Variants in LAMA2 observed in about 807,000 individuals in gnomAD.
LAMA2 encodes the protein laminin subunit alpha 2.
A neutral mutation model predicts 364.8 loss-of-function variants in LAMA2; 269 were observed. That is an observed-to-expected ratio of 0.74 (90% CI 0.67 to 0.82). The LOEUF is 0.82. LAMA2 is among the 40% of genes least tolerant of loss of function. The pLI is 0.00. For synonymous variants in LAMA2, 1,379 were observed against 1,370.6 expected (o/e 1.01, Z -0.14); for missense variants, 3,807 against 3,873.2 (o/e 0.98, Z 0.45).
chr6:129,448,570 A>AG (rs1377271179), intron 45 of LAMA2, among the ~76,000 whole-genome samples: 1 of 152,212 alleles, frequency 6.6e-6, no homozygotes, highest in Non-Finnish European at 1.5e-5. Flanking sequence ...TTTATTTTAA[A>AG]GTAGCTTTCT....
At chr6:129,487,744 T>C (rs934509388) in intron 56 of LAMA2, among the ~76,000 whole-genome samples, 3 of 152,176 alleles carry the variant, frequency 2.0e-5, no homozygotes, top group Non-Finnish European at 1.5e-5. Flanking sequence ...GTAGGATGAA[T>C]TGATACAAAG....
At chr6:128,910,951 G>A (rs1057095237) in intron 1 of LAMA2, among the ~76,000 whole-genome samples, 3 of 151,390 alleles carry the variant, frequency 2.0e-5, no homozygotes, top group Non-Finnish European at 4.4e-5. Context: ...GGCTGCTCGG[G>A]GGTCAGGGGT....
At position 129,199,319 on chromosome 6, in the gene LAMA2, T is replaced by A. The variant is rs149127310; in HGVS notation, c.1782+6466T>A. Among the ~76,000 whole-genome samples the A allele has an allele frequency of 8.6e-3, 1,307 of 152,166 alleles. 14 individuals are homozygous for A. The highest frequency in any genetic ancestry group is 0.031 in the Admixed American group (467 of 15,282). On this transcript the variant is annotated intron_variant, in intron 12 of 64. Transcript: ENST00000421865. ...TTAAACATTCTTCATGTCTGAAAAA[T>A]TTTGAAAACTAGAATTGGAAAAGCA...
At chr6:129,499,141 G>A (rs1264825056) in intron 58 of LAMA2, among the ~76,000 whole-genome samples, 1 of 152,086 alleles carries the variant, frequency 6.6e-6, no homozygotes, top group East Asian at 1.9e-4. Flanking sequence ...TGAAAAACAA[G>A]CGTATCTGTC....
At chr6:129,277,712 A>G (rs1224694418) in intron 17 of LAMA2, among the ~76,000 whole-genome samples, 1 of 152,192 alleles carries the variant, frequency 6.6e-6, no homozygotes, top group East Asian at 1.9e-4. Context: ...ACCAGCTCAT[A>G]GGATTTTGTG....
chr6:129,155,922 C>T (rs1183315572), intron 8 of LAMA2, among the ~76,000 whole-genome samples: 5 of 151,758 alleles, frequency 3.3e-5, no homozygotes, highest in African/African-American at 1.2e-4. Context: ...ATTGCTTAGA[C>T]TCTATATACA....
intron 1 of LAMA2, among the ~76,000 whole-genome samples, chr6:128,959,301 C>G (rs542986174): frequency 6.6e-6 from 1 of 152,218 alleles, no homozygotes; most frequent in South Asian, 2.1e-4. Context: ...ATGCTTTTCT[C>G]TCCCACATTT....
chr6:129,152,485 A>G (rs1417029950), intron 7 of LAMA2, among the ~76,000 whole-genome samples: 2 of 152,218 alleles, frequency 1.3e-5, no homozygotes, highest in Non-Finnish European at 1.5e-5. Context: ...ATATATTCAT[A>G]TAGATGTACA....
chr6:129,198,760 C>T (rs1256124625), intron 12 of LAMA2, among the ~76,000 whole-genome samples: 2 of 151,390 alleles, frequency 1.3e-5, no homozygotes, highest in Non-Finnish European at 2.9e-5. Flanking sequence ...AATAAGAATA[C>T]AATTTAGAAA....
intron 20 of LAMA2, among the ~76,000 whole-genome samples, chr6:129,296,891 T>G (rs1237517912): frequency 6.6e-6 from 1 of 152,166 alleles, no homozygotes; most frequent in African/African-American, 2.4e-5. Flanking sequence ...AACGTTTCAT[T>G]TTAAGCCTGA....
chr6:129,201,116 A>G (rs1782258357), intron 12 of LAMA2, among the ~76,000 whole-genome samples: 2 of 152,334 alleles, frequency 1.3e-5, no homozygotes, highest in Non-Finnish European at 2.9e-5. Flanking sequence ...TCTTCCACAG[A>G]TAGCATAAAA....
chr6:129,328,451 T>C (rs1248208123), intron 29 of LAMA2, 39 bp downstream of exon 29: 1 of 1,613,916 alleles, frequency 6.2e-7, no homozygotes, highest in African/African-American at 1.3e-5. Context: ...GTCCATGTGC[T>C]CATTCCTCTT....
At chr6:129,054,568 G>A (rs1788334166) in intron 2 of LAMA2, among the ~76,000 whole-genome samples, 2 of 149,816 alleles carry the variant, frequency 1.3e-5, no homozygotes, top group Admixed American at 1.3e-4. Flanking sequence ...GAGAATTAGA[G>A]AGATAAAATA....
At chr6:129,294,379 G>A (rs184678570) in intron 20 of LAMA2, among the ~76,000 whole-genome samples, 1 of 152,220 alleles carries the variant, frequency 6.6e-6, no homozygotes. Context: ...CATTTCTCAC[G>A]ATTCTAGAGG....
chr6:129,365,783 C>T (rs886523767), intron 32 of LAMA2, among the ~76,000 whole-genome samples: 1 of 151,978 alleles, frequency 6.6e-6, no homozygotes, highest in East Asian at 1.9e-4. Flanking sequence ...TGACTTTCTC[C>T]AGTGCAATCT....
intron 1 of LAMA2, among the ~76,000 whole-genome samples, chr6:129,009,662 T>C (rs982211301): frequency 1.3e-5 from 2 of 152,184 alleles, no homozygotes; most frequent in African/African-American, 4.8e-5. Context: ...TATAGATTCA[T>C]AGATTGCAAA....
chr6:129,134,411 C>T (rs1407076750), intron 4 of LAMA2, among the ~76,000 whole-genome samples: 1 of 152,152 alleles, frequency 6.6e-6, no homozygotes, highest in Non-Finnish European at 1.5e-5. Context: ...CTATCATAAC[C>T]AATTTCATTT....
chr6:129,024,977 G>T (rs1386770041), intron 1 of LAMA2, among the ~76,000 whole-genome samples: 2 of 151,850 alleles, frequency 1.3e-5, no homozygotes, highest in Non-Finnish European at 2.9e-5. Flanking sequence ...AGAATCAAAG[G>T]CCTTAAGAAA....
Position 129,211,979 on chromosome 6 carries a change from T to C in LAMA2, c.1782+19126T>C, listed in dbSNP as rs538073619. Reference sequence around the variant, plus strand: ...GCTTTTTGTGGACAGCAGTTATTTCTGTTTACACAAAAGATAAGAGAAAAT... The same window carrying C: ...GCTTTTTGTGGACAGCAGTTATTTCCGTTTACACAAAAGATAAGAGAAAAT... On this transcript the variant is annotated intron_variant, in intron 12 of 64. Transcript: ENST00000421865. Among the ~76,000 whole-genome samples, 477 of 152,358 alleles carry C rather than the reference T, an allele frequency of 3.1e-3. 2 individuals are homozygous for C. Among genetic ancestry groups the C allele is most frequent in the African/African-American group, 0.011 (466 of 41,586 alleles).
Sources: gnomAD v4.1 joint callset for allele counts (sites outside exome capture counted in the v4.1 genomes callset) on GRCh38, gnomAD v4.1.1 for gene constraint, MANE v1.5 for transcripts, NCBI Gene and HGNC (gene_info 2026-07-23, HGNC 2026-07-21) for gene names.